Variants in NAPEPLD observed in about 807,000 individuals in gnomAD.
The protein encoded by NAPEPLD is N-acyl phosphatidylethanolamine phospholipase D.
A neutral mutation model predicts 38.1 loss-of-function variants in NAPEPLD; 23 were observed. The observed-to-expected ratio is 0.60, with a 90% CI of 0.43 to 0.86. The LOEUF is 0.86. Among genes scored for constraint, NAPEPLD ranks in the 40% least tolerant of loss-of-function variants. NAPEPLD has a pLI of 0.00. For missense variants in NAPEPLD, 411 were observed against 476.8 expected (o/e 0.86, Z 1.28); for synonymous variants, 147 against 162.0 (o/e 0.91, Z 0.71).
chr7:103,123,039 C>G (rs1329231020), intron 2 of NAPEPLD, among the ~76,000 whole-genome samples: 1 of 152,204 alleles, frequency 6.6e-6, no homozygotes, highest in East Asian at 1.9e-4. Flanking sequence ...TGTGCTGTGT[C>G]CCACCTACAT....
At position 103,128,565 on chromosome 7, in the gene NAPEPLD, G is replaced by C. The variant is rs1049391695; in HGVS notation, c.212C>G (p.Thr71Arg). 7 of 1,614,184 alleles carry C rather than the reference G, an allele frequency of 4.3e-6. No homozygotes were observed. The highest frequency in any genetic ancestry group is 5.9e-6 in the Non-Finnish European group (7 of 1,180,030). The change falls in exon 2 of 5, where the codon ACA (threonine) becomes AGA (arginine). Residue 71 changes from threonine (T) to arginine (R), a missense_variant. Transcript: ENST00000465647. ...ATTTGGAATAGAGGGGTTTTTCCATGTTGGCCACGGATTCACAAATCTCCC... is the reference window on the plus strand; with the variant it reads ...ATTTGGAATAGAGGGGTTTTTCCATCTTGGCCACGGATTCACAAATCTCCC... The part of the protein sequence containing the change: ...KDGRFVNPWP[T>R]WKNPSIPNVL...
intron 1 of NAPEPLD, among the ~76,000 whole-genome samples, chr7:103,147,707 A>C (rs1487028389): frequency 2.0e-5 from 3 of 152,252 alleles, no homozygotes; most frequent in African/African-American, 7.2e-5. Flanking sequence ...TAACTGGACT[A>C]ATTTTAAAAT....
intron 4 of NAPEPLD, among the ~76,000 whole-genome samples, chr7:103,109,197 A>G (rs1804012457): frequency 6.6e-6 from 1 of 152,202 alleles, no homozygotes; most frequent in African/African-American, 2.4e-5. Context: ...GAAAATTAAC[A>G]AGGATATCAA....
intron 1 of NAPEPLD, among the ~76,000 whole-genome samples, chr7:103,139,026 G>A (rs1585893666): frequency 6.6e-6 from 1 of 152,220 alleles, no homozygotes; most frequent in Non-Finnish European, 1.5e-5. Context: ...GGACTGGCAA[G>A]GGATAAGCGA....
intron 4 of NAPEPLD, among the ~76,000 whole-genome samples, chr7:103,107,953 T>G (rs538220233): frequency 3.3e-4 from 50 of 152,158 alleles, no homozygotes; most frequent in African/African-American, 1.2e-3. Flanking sequence ...ATCGTCAGAT[T>G]CATCAAGGGT....
chr7:103,148,454 GAAAA>G (rs767589521), intron 1 of NAPEPLD, among the ~76,000 whole-genome samples: 2 of 108,782 alleles, frequency 1.8e-5, no homozygotes, highest in African/African-American at 6.6e-5. Flanking sequence ...GCTCTAGCTT[GAAAA>G]AAAAAAAAAA....
upstream of NAPEPLD, chr7:103,149,441 A>G (rs1490590973): frequency 1.6e-6 from 2 of 1,253,030 alleles, no homozygotes. Flanking sequence ...CGAGGACGCC[A>G]GCAGCTGCAG....
At chr7:103,115,413 G>A (rs1016337550) in intron 3 of NAPEPLD, 4 of 368,694 alleles carry the variant, frequency 1.1e-5, no homozygotes, top group African/African-American at 6.3e-5. Context: ...AGTCACAGGA[G>A]GCAAAACCAT....
At chr7:103,113,715 C>A (rs1375580884) in intron 4 of NAPEPLD, among the ~76,000 whole-genome samples, 1 of 148,134 alleles carries the variant, frequency 6.8e-6, no homozygotes, top group Non-Finnish European at 1.5e-5. Flanking sequence ...ACTGCAACCT[C>A]TGTCTCCCAG....
chr7:103,109,097 T>C (rs1803987892), intron 4 of NAPEPLD, among the ~76,000 whole-genome samples: 1 of 152,170 alleles, frequency 6.6e-6, no homozygotes, highest in African/African-American at 2.4e-5. Flanking sequence ...AGCAAGTTCT[T>C]AGAGACCTAC....
intron 3 of NAPEPLD, 95 bp from the exon 4 acceptor site, chr7:103,115,269 A>G (rs754415055): frequency 1.7e-5 from 14 of 832,692 alleles, no homozygotes; most frequent in Non-Finnish European, 2.5e-5. Flanking sequence ...GATTCTGCGC[A>G]GGACTATGGA....
chr7:103,119,512 G>T (rs750999893), intron 3 of NAPEPLD, 65 bp downstream of exon 3: 49 of 1,511,068 alleles, frequency 3.2e-5, no homozygotes, highest in African/African-American at 4.2e-5. Flanking sequence ...AATCATAATT[G>T]CTTTACTTTT....
intron 1 of NAPEPLD, among the ~76,000 whole-genome samples, chr7:103,132,851 T>C (rs1310279518): frequency 6.6e-6 from 1 of 151,872 alleles, no homozygotes; most frequent in Non-Finnish European, 1.5e-5. Flanking sequence ...TGATCTTTCT[T>C]CTCTCTAAAT....
chr7:103,109,269 C>T (rs947679900), intron 4 of NAPEPLD, among the ~76,000 whole-genome samples: 1 of 152,164 alleles, frequency 6.6e-6, no homozygotes, highest in Admixed American at 6.5e-5. Flanking sequence ...TCTCCACCCC[C>T]AAATCAACAG....
chr7:103,119,574 T>A lies in NAPEPLD; in HGVS notation c.941+3A>T. On this transcript the variant is annotated splice_donor_region_variant and intron_variant, in intron 3 of 4. Transcript: ENST00000465647. ...GGAATGTTTTCTTTGGAAGTCTACA[T>A]ACCTCGGTTCATAAGCTCCGATGGG... 1 of 1,610,946 alleles carries A rather than the reference T, an allele frequency of 6.2e-7. No homozygotes were observed.
At chr7:103,104,339 G>A (rs963049856) in intron 4 of NAPEPLD, among the ~76,000 whole-genome samples, 1 of 152,210 alleles carries the variant, frequency 6.6e-6, no homozygotes, top group African/African-American at 2.4e-5. Context: ...CCATAAGACT[G>A]GATGCGATTC....
At chr7:103,112,053 G>A (rs1804633469) in intron 4 of NAPEPLD, among the ~76,000 whole-genome samples, 1 of 152,070 alleles carries the variant, frequency 6.6e-6, no homozygotes, top group African/African-American at 2.4e-5. Flanking sequence ...AAACCATATT[G>A]AGATACCATC....
chr7:103,147,903 A>G (rs1306753049), intron 1 of NAPEPLD: 1 of 870,270 alleles, frequency 1.1e-6, no homozygotes, highest in Non-Finnish European at 1.4e-6. Context: ...AGTTGACTTG[A>G]AACAAATTTA....
At chr7:103,142,806 A>T (rs1283952079) in intron 1 of NAPEPLD, among the ~76,000 whole-genome samples, 2 of 152,232 alleles carry the variant, frequency 1.3e-5, no homozygotes, top group African/African-American at 4.8e-5. Flanking sequence ...ATCACTCTTC[A>T]TTAGGATACA....
Sources: allele counts gnomAD v4.1 joint callset (sites outside exome capture counted in the v4.1 genomes callset), GRCh38; gene constraint gnomAD v4.1.1; transcripts MANE v1.5; gene names NCBI Gene and HGNC (gene_info 2026-07-23, HGNC 2026-07-21).